IRAG1: variants seen among roughly 807,000 people sequenced by gnomAD.
IRAG1 encodes the protein inositol 1,4,5-triphosphate receptor associated 1, also known as IP3R-associated cGMP kinase substrate.
Under a neutral mutation model 106.2 loss-of-function variants are expected in IRAG1, and 62 were observed. The observed-to-expected ratio is 0.58, with a 90% CI of 0.48 to 0.72. IRAG1 has a LOEUF of 0.72. Ranked by LOEUF, IRAG1 falls within the 30% of genes least tolerant of loss-of-function variation. The pLI is 0.00. For synonymous variants in IRAG1, 462 were observed against 443.9 expected, an observed-to-expected ratio of 1.04 and a Z score of -0.51; for missense variants, 1,064 against 1,140.7, an observed-to-expected ratio of 0.93 and a Z score of 0.97.
At chr11:10,682,820 A>T (rs1861367484) in intron 1 of IRAG1, among the ~76,000 whole-genome samples, 1 of 152,198 alleles carries the variant, frequency 6.6e-6, no homozygotes, top group Admixed American at 6.5e-5. Context: ...ACCCCTATAT[A>T]TGAGGGATGG....
chr11:10,603,257 C>T lies in IRAG1; in HGVS notation c.1744-6G>A. ...TGCCAGAGTGAAGCTGAGGACTGAA[C>T]AGGAGTAGGAGCATCACCTGGGGTC... On this transcript the variant is annotated splice_polypyrimidine_tract_variant and splice_region_variant and intron_variant, in intron 13 of 20. Transcript: ENST00000423302. 6.2e-7 allele frequency: 1 copy of T among 1,613,388 alleles called. No homozygotes were observed. Among genetic ancestry groups the T allele is most frequent in the Non-Finnish European group, 8.5e-7 (1 of 1,179,768 alleles).
chr11:10,626,951 T>C (rs1391472400), intron 8 of IRAG1, among the ~76,000 whole-genome samples: 1 of 152,174 alleles, frequency 6.6e-6, no homozygotes, highest in African/African-American at 2.4e-5. Context: ...AAATTATGTA[T>C]GTGTATGTCT....
chr11:10,601,900 G>A (rs1367507963), intron 14 of IRAG1, among the ~76,000 whole-genome samples: 1 of 152,218 alleles, frequency 6.6e-6, no homozygotes, highest in Non-Finnish European at 1.5e-5. Flanking sequence ...TTTGGAGAAG[G>A]GAGCAGATGG....
rs780919135 is a variant in IRAG1 at position 10,580,583 on chromosome 11, T to C, written c.2367A>G (p.Gln789=). The C allele has an allele frequency of 4.3e-6, 7 of 1,612,830 alleles. No homozygotes were observed. In the South Asian group the frequency reaches 4.4e-5, roughly 10 times the overall value. The change falls in exon 20 of 21, where the codon CAA becomes CAG. Residue 789 remains glutamine, a synonymous_variant. Coordinates refer to ENST00000423302, the MANE Select transcript of IRAG1 (RefSeq NM_130385.4). ...MEEEAYSKGF[Q]EGLKKTKELQ... ...GTTCTTTGGTCTTCTTTAGACCTTCTTGGAATCTGGGGGGCAAAAAGGAAC... is the reference window on the plus strand; with the variant it reads ...GTTCTTTGGTCTTCTTTAGACCTTCCTGGAATCTGGGGGGCAAAAAGGAAC...
At position 10,659,549 on chromosome 11, in the gene IRAG1, G is replaced by A. The variant is rs998187371; in HGVS notation, c.68-7367C>T. 2.0e-5 allele frequency among the ~76,000 whole-genome samples: 3 copies of A among 152,134 alleles called. No individual in the cohort carries two copies. Among genetic ancestry groups the A allele is most frequent in the Non-Finnish European group, 4.4e-5 (3 of 68,030 alleles). On this transcript the variant is annotated intron_variant, in intron 1 of 20. Transcript: ENST00000423302. The surrounding 1 kb of genome is among the most constrained non-coding windows in gnomAD (Gnocchi z 4.1). Reference sequence around the variant, plus strand: ...TCTGTGGGAAACCTTCTTAGGGCCCGATTTTCTCCAGCCCTGCTCTCCGCT... The same window carrying A: ...TCTGTGGGAAACCTTCTTAGGGCCCAATTTTCTCCAGCCCTGCTCTCCGCT...
intron 5 of IRAG1, 115 bp downstream of exon 5, chr11:10,629,423 G>T: frequency 2.8e-6 from 3 of 1,071,090 alleles, no homozygotes; most frequent in Non-Finnish European, 4.0e-6. Flanking sequence ...AGGAGAGCAG[G>T]TGAGTCCAAG....
rs552025202 is a variant in IRAG1, at chr11:10,576,340, C to G, written c.2731G>C (p.Glu911Gln). The G allele has an allele frequency of 2.5e-5, 41 of 1,613,832 alleles. No homozygotes were observed. The East Asian group carries it at 8.9e-4, about 35-fold the overall frequency. The change falls in exon 21 of 21, where the codon GAG (glutamate) becomes CAG (glutamine). Residue 911 changes from glutamate to glutamine, a missense_variant. By Grantham distance (29) the Glu-to-Gln change is conservative (BLOSUM62 2). Coordinates refer to ENST00000423302, the MANE Select transcript of IRAG1 (RefSeq NM_130385.4). ...GCTAGGTGTGAGGTTTCCTACTGCT[C>G]TGTAGGCTGCTCATGCTGGAGTCCT... ...SSGLQHEQPT[E>Q]Q is the part of the protein sequence containing the mutation.
chr11:10,575,759 T>TTC lies in IRAG1; in HGVS notation c.*572_*573insGA, dbSNP rs1554910905. On this transcript the variant is annotated 3_prime_UTR_variant, in exon 21 of 21. Coordinates refer to ENST00000423302, the MANE Select transcript of IRAG1 (RefSeq NM_130385.4). ...TTCAGCCTATACTTTTTTTTTTTTTTCTGAGAAGCCTTTCCTACTTCTGTA... is the reference window on the plus strand; with the variant it reads ...TTCAGCCTATACTTTTTTTTTTTTTTTCCTGAGAAGCCTTTCCTACTTCTGTA... 3 of 156,782 alleles carry TTC rather than the reference T, an allele frequency of 1.9e-5. No homozygotes were observed. Among genetic ancestry groups the TTC allele is most frequent in the Admixed American group, 1.8e-4 (3 of 16,860 alleles). The allele number at this position is 156,782 out of a possible 1,614,324, so 9.7% of individuals were successfully genotyped here.
intron 8 of IRAG1, among the ~76,000 whole-genome samples, chr11:10,627,304 G>A (rs1278492899): frequency 6.6e-6 from 1 of 152,078 alleles, no homozygotes; most frequent in Non-Finnish European, 1.5e-5. Flanking sequence ...ATGTGAGCAG[G>A]GTGGGGCGCT....
At chr11:10,602,614 T>C (rs763728316) in intron 14 of IRAG1, among the ~76,000 whole-genome samples, 4 of 152,238 alleles carry the variant, frequency 2.6e-5, no homozygotes, top group Non-Finnish European at 5.9e-5. Context: ...AGACTCTGCA[T>C]CTTCATCTGG....
intron 1 of IRAG1, among the ~76,000 whole-genome samples, chr11:10,662,929 C>T (rs1351516192): frequency 6.6e-6 from 1 of 152,222 alleles, no homozygotes; most frequent in African/African-American, 2.4e-5. Context: ...TTGATGGGAT[C>T]GCACTAGGCC....
At chr11:10,675,043 C>A (rs933200179) in intron 1 of IRAG1, among the ~76,000 whole-genome samples, 1 of 152,226 alleles carries the variant, frequency 6.6e-6, no homozygotes, top group Non-Finnish European at 1.5e-5. Flanking sequence ...GGAATGGGCA[C>A]CGCCCTGCAG....
intron 1 of IRAG1, among the ~76,000 whole-genome samples, chr11:10,689,845 C>T (rs1861925778): frequency 1.3e-5 from 2 of 152,136 alleles, no homozygotes; most frequent in Admixed American, 1.3e-4. Context: ...ATAATATAAA[C>T]AATACTTATC....
chr11:10,603,280 G>A, intron 13 of IRAG1, 29 bp from the exon 14 acceptor site: 1 of 1,610,622 alleles, frequency 6.2e-7, no homozygotes, highest in Non-Finnish European at 8.5e-7. Context: ...ATCACCTGGG[G>A]TCCTCAAATA....
intron 14 of IRAG1, 131 bp from the exon 15 acceptor site, chr11:10,601,190 A>G: frequency 7.7e-7 from 1 of 1,296,112 alleles, no homozygotes; most frequent in South Asian, 1.4e-5. Flanking sequence ...CCCTCTGAAG[A>G]GTTTGCTGTC....
intron 1 of IRAG1, chr11:10,687,588 A>G: frequency 9.6e-7 from 1 of 1,044,040 alleles, no homozygotes; most frequent in Admixed American, 3.6e-5. Flanking sequence ...AACAAGCCTT[A>G]AAGCTTCAGT....
intron 1 of IRAG1, among the ~76,000 whole-genome samples, chr11:10,680,906 A>C (rs894208452): frequency 9.9e-5 from 15 of 152,278 alleles, no homozygotes; most frequent in Non-Finnish European, 1.9e-4. Flanking sequence ...ATAATGCATA[A>C]AACTGTAAAA....
At chr11:10,597,350 C>G (rs72862324) in intron 15 of IRAG1, among the ~76,000 whole-genome samples, 1,795 of 152,226 alleles carry the variant, frequency 0.012, 18 homozygotes, top group Middle Eastern at 0.02. Context: ...AAGTTAGAGA[C>G]GGTCTCACTC....
At chr11:10,583,775 T>C (rs7946166) in intron 18 of IRAG1, among the ~76,000 whole-genome samples, 2 of 152,106 alleles carry the variant, frequency 1.3e-5, no homozygotes, top group African/African-American at 4.8e-5. Flanking sequence ...AGAGAATCTC[T>C]CCTTGTTTGT....
Sources: allele counts gnomAD v4.1 joint callset (sites outside exome capture counted in the v4.1 genomes callset), GRCh38; gene constraint gnomAD v4.1.1; non-coding constraint Gnocchi (gnomAD v3.1); transcripts MANE v1.5; gene names NCBI Gene and HGNC (gene_info 2026-07-23, HGNC 2026-07-21).